GPR176: variants seen among roughly 807,000 people sequenced by gnomAD.
GPR176 encodes G-protein coupled receptor 176.
GPR176 carries 26 observed loss-of-function variants against 35.4 expected under a neutral mutation model. That is an observed-to-expected ratio of 0.74 (90% CI 0.54 to 1.02). The LOEUF (loss-of-function observed/expected upper bound fraction) is 1.02, where lower values mean the gene tolerates loss of function less well. Ranked by LOEUF, GPR176 falls within the 50% of genes least tolerant of loss-of-function variation. GPR176 has a pLI of 0.00. For synonymous variants in GPR176, 278 were observed against 271.3 expected, an observed-to-expected ratio of 1.02 and a Z score of -0.24; for missense variants, 597 against 665.3, an observed-to-expected ratio of 0.90 and a Z score of 1.13.
chr15:39,882,262 A>G (rs2032504184), intron 1 of GPR176, among the ~76,000 whole-genome samples: 1 of 152,236 alleles, frequency 6.6e-6, no homozygotes, highest in African/African-American at 2.4e-5. Flanking sequence ...CTATGCAAGT[A>G]TTGGCAAAAT....
In GPR176 at chr15:39,801,827, G is replaced by C; in HGVS notation, c.853C>G (p.Leu285Val). The C allele has an allele frequency of 6.2e-7, 1 of 1,613,900 alleles. No individual in the cohort carries two copies. Among genetic ancestry groups the C allele is most frequent in the Non-Finnish European group, 8.5e-7 (1 of 1,179,802 alleles). ...TTGAGCACAGTCTGGTAGACGACCA[G>C]GGTGGCATAGGGCACGCTACACAAG... ...FILCSVPYAT[L>V]VVYQTVLNVP... Residue 285 changes from leucine (L) to valine (V), a missense_variant, in exon 3 of 3, where the codon CTG becomes GTG. Coordinates refer to ENST00000561100, the MANE Select transcript of GPR176 (RefSeq NM_007223.3).
At chr15:39,887,892 T>C (rs538179055) in intron 1 of GPR176, among the ~76,000 whole-genome samples, 2 of 152,300 alleles carry the variant, frequency 1.3e-5, no homozygotes, top group Admixed American at 6.5e-5. Flanking sequence ...GATGCAGATA[T>C]AAAAGAAGCT....
chr15:39,868,639 T>C (rs2031921858), intron 1 of GPR176, among the ~76,000 whole-genome samples: 1 of 152,208 alleles, frequency 6.6e-6, no homozygotes, highest in African/African-American at 2.4e-5. Context: ...GTTTTTTTAT[T>C]GGACTTTTAG....
intron 1 of GPR176, chr15:39,813,304 C>T (rs1899690336): frequency 6.6e-6 from 1 of 152,140 alleles, no homozygotes; most frequent in African/African-American, 2.4e-5. Context: ...ACATTCTTTC[C>T]ACCTAAGGAA....
intron 1 of GPR176, among the ~76,000 whole-genome samples, chr15:39,844,019 C>T (rs1421396489): frequency 6.6e-6 from 1 of 152,142 alleles, no homozygotes; most frequent in Non-Finnish European, 1.5e-5. Context: ...AAGAGGATTG[C>T]TACTAGCGTT....
intron 1 of GPR176, among the ~76,000 whole-genome samples, chr15:39,907,074 T>C (rs2033443198): frequency 6.6e-6 from 1 of 152,178 alleles, no homozygotes; most frequent in Admixed American, 6.5e-5. Flanking sequence ...AGAGGTGACA[T>C]TTGAGCTGCA....
At chr15:39,918,743 G>T (rs963326369) in intron 1 of GPR176, among the ~76,000 whole-genome samples, 3 of 151,960 alleles carry the variant, frequency 2.0e-5, no homozygotes, top group Admixed American at 2.0e-4. Flanking sequence ...CAAAAAAATC[G>T]AAGAGAAATA....
At chr15:39,832,037 G>A (rs950584415) in intron 1 of GPR176, among the ~76,000 whole-genome samples, 3 of 150,874 alleles carry the variant, frequency 2.0e-5, no homozygotes, top group Non-Finnish European at 4.4e-5. Context: ...CCATGTTCCA[G>A]TGCAATGAAG....
At chr15:39,893,790 C>T (rs1483831759) in intron 1 of GPR176, among the ~76,000 whole-genome samples, 1 of 140,356 alleles carries the variant, frequency 7.1e-6, no homozygotes, top group African/African-American at 2.6e-5. Flanking sequence ...GCTGACCCCC[C>T]CACCTCCCTC....
chr15:39,811,378 C>G (rs567008044), intron 1 of GPR176, among the ~76,000 whole-genome samples: 1 of 152,128 alleles, frequency 6.6e-6, no homozygotes, highest in Non-Finnish European at 1.5e-5. Flanking sequence ...TTAAAATCTG[C>G]CATCCTGCCA....
At chr15:39,824,058 A>G (rs987834711) in intron 1 of GPR176, among the ~76,000 whole-genome samples, 2 of 151,692 alleles carry the variant, frequency 1.3e-5, no homozygotes, top group African/African-American at 4.8e-5. Context: ...TGCCATCCCC[A>G]TGGTAATGAA....
At chr15:39,867,817 G>A (rs1323919976) in intron 1 of GPR176, among the ~76,000 whole-genome samples, 7 of 152,128 alleles carry the variant, frequency 4.6e-5, no homozygotes, top group South Asian at 2.1e-4. Context: ...AGAGTATCCC[G>A]ACCACCATCT....
intron 1 of GPR176, chr15:39,815,558 T>A (rs79031815): frequency 6.6e-6 from 1 of 152,212 alleles, no homozygotes; most frequent in Non-Finnish European, 1.5e-5. Flanking sequence ...GGAACCACTG[T>A]GAGGCCTGCT....
At chr15:39,883,851 A>G (rs2032573786) in intron 1 of GPR176, among the ~76,000 whole-genome samples, 1 of 139,986 alleles carries the variant, frequency 7.1e-6, no homozygotes, top group Non-Finnish European at 1.7e-5. Flanking sequence ...AGATACATGC[A>G]TAGCAACAAA....
rs1898799823 is a variant in GPR176 at position 39,800,826 on chromosome 15, C to T, written c.*306G>A. On this transcript the variant is annotated 3_prime_UTR_variant, in exon 3 of 3. Transcript: ENST00000561100. The stretch of plus-strand genomic sequence containing the variant: ...AGAGCCCAGGGAAGTGAGGCATCCT[C>T]AGAAAGTGCACATGGGGTACCCACC... The T allele has an allele frequency of 3.4e-6, 1 of 291,130 alleles. No homozygotes were observed. Among genetic ancestry groups the T allele is most frequent in the Non-Finnish European group, 6.5e-6 (1 of 154,558 alleles). 18.0% of individuals were successfully genotyped at this position (291,130 alleles called of 1,614,324 possible). A position where few individuals can be genotyped will look rare whatever the true frequency, so the allele number is the denominator to read the frequency against.
At chr15:39,896,813 G>A (rs1454601844) in intron 1 of GPR176, among the ~76,000 whole-genome samples, 4 of 152,198 alleles carry the variant, frequency 2.6e-5, no homozygotes, top group African/African-American at 9.7e-5. Flanking sequence ...TCCACAGGCT[G>A]AGGCCAGAGG....
intron 1 of GPR176, among the ~76,000 whole-genome samples, chr15:39,848,641 G>C (rs2030618699): frequency 6.6e-6 from 1 of 152,002 alleles, no homozygotes; most frequent in African/African-American, 2.4e-5. Flanking sequence ...AATCAAACTA[G>C]AAATTAGTAA....
chr15:39,822,635 T>C (rs1337292976), intron 1 of GPR176, among the ~76,000 whole-genome samples: 1 of 152,250 alleles, frequency 6.6e-6, no homozygotes, highest in African/African-American at 2.4e-5. Flanking sequence ...TAAAAAATCA[T>C]GTAAACTTTA....
intron 1 of GPR176, among the ~76,000 whole-genome samples, chr15:39,891,012 T>C (rs1040875462): frequency 6.6e-6 from 1 of 152,130 alleles, no homozygotes; most frequent in Non-Finnish European, 1.5e-5. Flanking sequence ...TAGAGAAGAA[T>C]AGATGAGCAA....
Sources: gnomAD v4.1 joint callset for allele counts (sites outside exome capture counted in the v4.1 genomes callset) on GRCh38, gnomAD v4.1.1 for gene constraint, MANE v1.5 for transcripts, NCBI Gene and HGNC (gene_info 2026-07-23, HGNC 2026-07-21) for gene names.